Variants in NCOA6 observed in about 807,000 individuals in gnomAD.
The protein encoded by NCOA6 is nuclear receptor coactivator 6.
In NCOA6, 49 loss-of-function variants were observed where a neutral mutation model predicts 171.4. The observed-to-expected ratio is 0.29, with a 90% CI of 0.23 to 0.36. NCOA6 has a LOEUF of 0.36. NCOA6 is among the 10% of genes least tolerant of loss of function. The pLI, the probability that NCOA6 is intolerant of heterozygous loss-of-function variation, is 1.00. For missense variants in NCOA6, 2,248 were observed against 2,554.5 expected, an observed-to-expected ratio of 0.88 and a Z score of 2.59; for synonymous variants, 910 against 927.5, an observed-to-expected ratio of 0.98 and a Z score of 0.34.
At chr20:34,763,211 T>C (rs983059957) in intron 5 of NCOA6, among the ~76,000 whole-genome samples, 1 of 152,216 alleles carries the variant, frequency 6.6e-6, no homozygotes, top group Non-Finnish European at 1.5e-5. Flanking sequence ...CTCCTCAATT[T>C]CTTTATCTTC....
chr20:34,727,477 G>A, intron 13 of NCOA6, 70 bp from the exon 14 acceptor site: 2 of 1,534,700 alleles, frequency 1.3e-6, no homozygotes, highest in South Asian at 2.3e-5. Flanking sequence ...GGGCTCTTCA[G>A]ATAGTTTCAT....
intron 11 of NCOA6, among the ~76,000 whole-genome samples, chr20:34,737,435 T>C (rs1474535542): frequency 6.6e-6 from 1 of 152,256 alleles, no homozygotes; most frequent in Non-Finnish European, 1.5e-5. Context: ...TATATACATG[T>C]AGTGCACTTG....
chr20:34,740,243 C>T lies in NCOA6; in HGVS notation c.5893+120G>A, dbSNP rs542114591. The T allele has an allele frequency of 1.7e-5, 22 of 1,266,508 alleles. No homozygotes were observed. The South Asian group carries it at 2.8e-4, about 16-fold the overall frequency. 78.5% of individuals were successfully genotyped at this position (1,266,508 alleles called of 1,614,324 possible). On this transcript the variant is annotated intron_variant, in intron 11 of 14. Transcript: ENST00000359003. ...AACGTACTTTCAATAAATAAAACTA[C>T]TGCTATTGCCATTTAGCCCATTCTC...
chr20:34,732,823 C>G (rs2075828009), intron 12 of NCOA6: 1 of 421,110 alleles, frequency 2.4e-6, no homozygotes, highest in Non-Finnish European at 4.3e-6. Context: ...GTGAAATAAT[C>G]TGTTTGGATT....
chr20:34,734,712 C>G (rs898076923), intron 12 of NCOA6, among the ~76,000 whole-genome samples: 1 of 151,426 alleles, frequency 6.6e-6, no homozygotes, highest in Non-Finnish European at 1.5e-5. Context: ...AGTTCAATGG[C>G]GCAATCTCCG....
chr20:34,795,596 C>A (rs1269616759), intron 1 of NCOA6, among the ~76,000 whole-genome samples: 1 of 152,072 alleles, frequency 6.6e-6, no homozygotes, highest in East Asian at 1.9e-4. Flanking sequence ...AAGCCAAAAT[C>A]TTGGGGGAAA....
At chr20:34,821,523 T>C (rs144217280) in intron 1 of NCOA6, 238 of 152,208 alleles carry the variant, frequency 1.6e-3, no homozygotes, top group African/African-American at 5.5e-3. Flanking sequence ...CAAAACTCTA[T>C]TACTCTGCCA....
Position 34,744,131 on chromosome 20 carries a change from T to A in NCOA6, c.2915-790A>T, listed in dbSNP as rs1000137159. Among the ~76,000 whole-genome samples the A allele has an allele frequency of 2.6e-5, 4 of 152,222 alleles. No homozygotes were observed. In the East Asian group the frequency reaches 5.8e-4, roughly 22 times the overall value. On this transcript the variant is annotated intron_variant, in intron 10 of 14. Transcript: ENST00000359003. Reference sequence around the variant, plus strand: ...ATTAATTTGCACTTACTTTCTTACATGCAAATCTCTATTTGGAGAAATATT... The same window carrying A: ...ATTAATTTGCACTTACTTTCTTACAAGCAAATCTCTATTTGGAGAAATATT...
At chr20:34,805,192 C>T (rs2146527754) in intron 1 of NCOA6, among the ~76,000 whole-genome samples, 1 of 152,126 alleles carries the variant, frequency 6.6e-6, no homozygotes. Context: ...GCGCGCACTA[C>T]CACGCCCAGC....
At chr20:34,735,854 G>T (rs2145458058) in intron 12 of NCOA6, among the ~76,000 whole-genome samples, 2 of 151,964 alleles carry the variant, frequency 1.3e-5, no homozygotes, top group East Asian at 3.9e-4. Context: ...AATTAAGCAT[G>T]GCTACTATTG....
chr20:34,748,317 A>G (rs891855080), intron 9 of NCOA6, among the ~76,000 whole-genome samples: 5 of 152,232 alleles, frequency 3.3e-5, no homozygotes, highest in African/African-American at 1.2e-4. Context: ...ATCATTAATA[A>G]TACACCATGA....
In NCOA6 at chr20:34,715,201, A is replaced by G; in HGVS notation, c.*121T>C. The G allele has an allele frequency of 7.5e-7, 1 of 1,335,340 alleles. No homozygotes were observed. The highest frequency in any genetic ancestry group is 1.1e-6 in the Non-Finnish European group (1 of 944,146). The allele number at this position is 1,335,340 out of a possible 1,614,324, so 82.7% of individuals were successfully genotyped here. A position where few individuals can be genotyped will look rare whatever the true frequency, so the allele number is the denominator to read the frequency against. On this transcript the variant is annotated 3_prime_UTR_variant, in exon 15 of 15. Transcript: ENST00000359003. ...ATGAAACAGGTTGCAGGGACTAGGA[A>G]AAGGGCCACATTATTAAAATTACTA...
chr20:34,763,293 T>C (rs2076872736), intron 5 of NCOA6, among the ~76,000 whole-genome samples: 1 of 152,226 alleles, frequency 6.6e-6, no homozygotes, highest in Non-Finnish European at 1.5e-5. Flanking sequence ...CTCTTTCATA[T>C]TTCCATCTCT....
intron 14 of NCOA6, among the ~76,000 whole-genome samples, chr20:34,717,266 C>T (rs1018296122): frequency 6.6e-6 from 1 of 152,052 alleles, no homozygotes; most frequent in Admixed American, 6.5e-5. Flanking sequence ...GCCTGACCAA[C>T]GTGGAGAAAC....
intron 5 of NCOA6, among the ~76,000 whole-genome samples, chr20:34,766,622 C>T (rs1335892560): frequency 6.6e-6 from 1 of 152,086 alleles, no homozygotes; most frequent in Non-Finnish European, 1.5e-5. Flanking sequence ...TTGCTATTTG[C>T]CAGATACTAG....
In NCOA6 at chr20:34,754,782, T is replaced by C. The variant is rs766718856; in HGVS notation, c.1615A>G (p.Thr539Ala). ...GGGGCTCCTGAATTCCCAGGGGTGGTTGCTGTGGTCGAAGGCACCTGACCT... is the reference window on the plus strand; with the variant it reads ...GGGGCTCCTGAATTCCCAGGGGTGGCTGCTGTGGTCGAAGGCACCTGACCT... ...MQGQVPSTTA[T>A]TPGNSGAPQL... The change falls in exon 8 of 15, where the codon ACC becomes GCC. Residue 539 changes from threonine to alanine, a missense_variant. Thr to Ala is a moderately conservative substitution (Grantham distance 58). Coordinates refer to ENST00000359003, the MANE Select transcript of NCOA6 (RefSeq NM_014071.5). The C allele has an allele frequency of 9.3e-6, 15 of 1,614,232 alleles. No individual in the cohort carries two copies. The highest frequency in any genetic ancestry group is 2.2e-5 in the South Asian group (2 of 91,086).
intron 11 of NCOA6, among the ~76,000 whole-genome samples, chr20:34,737,459 G>A (rs1346823250): frequency 1.3e-5 from 2 of 152,198 alleles, no homozygotes; most frequent in Non-Finnish European, 2.9e-5. Flanking sequence ...GCACTCTGAT[G>A]TCATATGAAG....
At chr20:34,727,758 C>T (rs1446809096) in intron 13 of NCOA6, among the ~76,000 whole-genome samples, 1 of 148,814 alleles carries the variant, frequency 6.7e-6, no homozygotes, top group Admixed American at 6.8e-5. Flanking sequence ...GAGTGTCACT[C>T]TGTCGCCCAG....
At chr20:34,804,937 G>A (rs538972597) in intron 1 of NCOA6, among the ~76,000 whole-genome samples, 4 of 151,768 alleles carry the variant, frequency 2.6e-5, no homozygotes, top group African/African-American at 9.7e-5. Flanking sequence ...GAACGTATTC[G>A]TCCTATCCAG....
Sources: allele counts gnomAD v4.1 joint callset (sites outside exome capture counted in the v4.1 genomes callset), GRCh38; gene constraint gnomAD v4.1.1; transcripts MANE v1.5; gene names NCBI Gene and HGNC (gene_info 2026-07-23, HGNC 2026-07-21).